STK32A: variants seen among roughly 807,000 people sequenced by gnomAD.
STK32A encodes the protein serine/threonine kinase 32A.
In STK32A, 41 loss-of-function variants were observed where a neutral mutation model predicts 53.2. The ratio of observed to expected loss-of-function variants is 0.77; its 90% CI spans 0.60 to 1.00. STK32A has a LOEUF of 1.00. Among genes scored for constraint, STK32A ranks in the 50% least tolerant of loss-of-function variants. The pLI, the probability that STK32A is intolerant of heterozygous loss-of-function variation, is 0.00. For synonymous variants in STK32A, 166 were observed against 162.8 expected (o/e 1.02, Z -0.15); for missense variants, 458 against 485.8 (o/e 0.94, Z 0.54).
At chr5:147,394,231 T>A in the STK32A span, 2 of 1,124,702 alleles carry the variant, frequency 1.8e-6, no homozygotes, top group Non-Finnish European at 2.6e-6. Context: ...AGATATGAAG[T>A]GCCTTGCTGG....
intron 2 of STK32A, among the ~76,000 whole-genome samples, chr5:147,266,276 AGAGT>A (rs1561680044): frequency 6.6e-6 from 1 of 152,170 alleles, no homozygotes; most frequent in South Asian, 2.1e-4. Flanking sequence ...TTGAGCTCAA[AGAGT>A]GAGTAAGTCG....
chr5:147,273,068 CA>C (rs1309362575), intron 2 of STK32A, among the ~76,000 whole-genome samples: 1 of 152,214 alleles, frequency 6.6e-6, no homozygotes, highest in Non-Finnish European at 1.5e-5. Context: ...TTACCTTCTA[CA>C]AGGGTCTTCT....
intron 2 of STK32A, among the ~76,000 whole-genome samples, chr5:147,246,788 C>T (rs1753784942): frequency 6.6e-6 from 1 of 152,112 alleles, no homozygotes; most frequent in South Asian, 2.1e-4. Flanking sequence ...TTTTTCCTTA[C>T]AAGTTTTTAT....
intron 2 of STK32A, among the ~76,000 whole-genome samples, chr5:147,257,256 C>G (rs12516953): frequency 1.2e-4 from 17 of 144,162 alleles, no homozygotes; most frequent in East Asian, 2.1e-4. Flanking sequence ...GGGGGCGGGG[C>G]GGGGGGTAGG....
intron 5 of STK32A, among the ~76,000 whole-genome samples, chr5:147,326,827 T>A (rs1338842545): frequency 6.6e-6 from 1 of 152,168 alleles, no homozygotes; most frequent in Non-Finnish European, 1.5e-5. Flanking sequence ...CCATAAATAA[T>A]CTAGGCAATT....
rs558481966 is a variant in STK32A, at chr5:147,368,051, A to G, written c.661-2603A>G. ...AGAAAATGTGCTCGAAAACATTCTC[A>G]TCATTTCTGAGTTTGGTTTCAGTCT... On this transcript the variant is annotated intron_variant, in intron 8 of 12. Transcript: ENST00000397936. 2.6e-5 allele frequency among the ~76,000 whole-genome samples: 4 copies of G among 152,380 alleles called. No individual in the cohort carries two copies. The South Asian group carries it at 6.2e-4, about 24-fold the overall frequency.
chr5:147,301,165 A>G (rs1753112881), intron 4 of STK32A, among the ~76,000 whole-genome samples: 1 of 152,194 alleles, frequency 6.6e-6, no homozygotes, highest in African/African-American at 2.4e-5. Context: ...CCTGGGGCAA[A>G]GGTGGTCCTT....
At chr5:147,289,878 G>A (rs1226487131) in intron 4 of STK32A, among the ~76,000 whole-genome samples, 1 of 152,010 alleles carries the variant, frequency 6.6e-6, no homozygotes, top group East Asian at 1.9e-4. Context: ...TCACCTATAT[G>A]TTTACTGAGC....
chr5:147,345,369 ATAT>A (rs2151990216), intron 6 of STK32A, among the ~76,000 whole-genome samples: 1 of 152,326 alleles, frequency 6.6e-6, no homozygotes, highest in South Asian at 2.1e-4. Context: ...TAAAAGTCTA[ATAT>A]TAGTACAATT....
chr5:147,333,589 T>C (rs1371973047), intron 5 of STK32A, among the ~76,000 whole-genome samples: 2 of 152,176 alleles, frequency 1.3e-5, no homozygotes, highest in Non-Finnish European at 2.9e-5. Context: ...AAGATAGCTA[T>C]ACATACTTCA....
Position 147,361,545 on chromosome 5 carries a change from A to G in STK32A, c.591A>G (p.Gly197=), listed in dbSNP as rs757610823. The change falls in exon 8 of 13, where the codon GGA becomes GGG. Residue 197 remains glycine, a synonymous_variant. Transcript: ENST00000397936. ...CTGAGATGTTCAGCTCCAGAAAAGG[A>G]GCAGGCTATTCCTTTGCTGTTGACT... is the stretch of plus-strand genomic sequence containing the variant. ...MAPEMFSSRK[G]AGYSFAVDWW... is the part of the protein sequence containing the mutation. The G allele has an allele frequency of 6.2e-7, 1 of 1,613,366 alleles. No individual in the cohort carries two copies. Among genetic ancestry groups the G allele is most frequent in the South Asian group, 1.1e-5 (1 of 90,840 alleles).
intron 4 of STK32A, among the ~76,000 whole-genome samples, chr5:147,321,720 G>C (rs1754329819): frequency 6.6e-6 from 1 of 152,202 alleles, no homozygotes. Context: ...TAGGAGAAGA[G>C]TCCACTTGAC....
intron 1 of STK32A, among the ~76,000 whole-genome samples, chr5:147,235,595 T>C (rs746502375): frequency 2.0e-5 from 3 of 152,208 alleles, no homozygotes; most frequent in Non-Finnish European, 2.9e-5. Flanking sequence ...ATGCAGCACT[T>C]AAAAAGCTAA....
intron 2 of STK32A, among the ~76,000 whole-genome samples, chr5:147,264,159 T>C (rs1754705734): frequency 6.6e-6 from 1 of 152,186 alleles, no homozygotes; most frequent in African/African-American, 2.4e-5. Flanking sequence ...ATATCTCCCA[T>C]GCAATCCTTC....
At chr5:147,399,181 C>G in the STK32A span, 3 of 1,614,226 alleles carry the variant, frequency 1.9e-6, no homozygotes, top group Non-Finnish European at 2.5e-6. Flanking sequence ...TGCGGGGATA[C>G]AGGTTGAAGA....
intron 5 of STK32A, among the ~76,000 whole-genome samples, chr5:147,325,685 G>A (rs1408979011): frequency 6.6e-6 from 1 of 152,014 alleles, no homozygotes; most frequent in East Asian, 1.9e-4. Flanking sequence ...AATTACGTAG[G>A]ATCTCAGAAG....
At chr5:147,373,530 T>C (rs1199416062) in intron 10 of STK32A, among the ~76,000 whole-genome samples, 2 of 152,182 alleles carry the variant, frequency 1.3e-5, no homozygotes, top group Non-Finnish European at 2.9e-5. Flanking sequence ...ACTGAAGTTC[T>C]AGCTTTTAAC....
intron 2 of STK32A, among the ~76,000 whole-genome samples, chr5:147,276,822 T>A (rs1243725582): frequency 6.6e-6 from 1 of 152,230 alleles, no homozygotes; most frequent in South Asian, 2.1e-4. Context: ...TGTTTTCTTC[T>A]GATCTAGGAG....
the STK32A span, chr5:147,400,950 C>T: frequency 1.9e-5 from 25 of 1,292,084 alleles, no homozygotes; most frequent in African/African-American, 2.4e-4. Context: ...TTTGGAATGC[C>T]TCCTCTACCT....
Sources: gnomAD v4.1 joint callset for allele counts (sites outside exome capture counted in the v4.1 genomes callset) on GRCh38, gnomAD v4.1.1 for gene constraint, MANE v1.5 for transcripts, NCBI Gene and HGNC (gene_info 2026-07-23, HGNC 2026-07-21) for gene names.